SLC10A1: variants seen among roughly 807,000 people sequenced by gnomAD.
The protein encoded by SLC10A1 is hepatic sodium/bile acid cotransporter.
In SLC10A1, 36 loss-of-function variants were observed where a neutral mutation model predicts 20.5. That is an observed-to-expected ratio of 1.75 (90% confidence interval 1.34 to 2.32). The LOEUF (loss-of-function observed/expected upper bound fraction) is 2.32. Among genes scored for constraint, SLC10A1 ranks in the 30% most tolerant of loss-of-function variants. The probability of loss-of-function intolerance (pLI) is 0.00; values close to 1 mark genes in which losing one functional copy is unlikely to be tolerated. For synonymous variants in SLC10A1, 188 were observed against 163.6 expected, an observed-to-expected ratio of 1.15 and a Z score of -1.14; for missense variants, 545 against 439.1, an observed-to-expected ratio of 1.24 and a Z score of -2.16.
At position 69,796,957 on chromosome 14, in the gene SLC10A1, C is replaced by A; in HGVS notation, c.199G>T (p.Ala67Ser). 1 of 1,614,214 alleles carries A rather than the reference C, an allele frequency of 6.2e-7. No homozygotes were observed. The change falls in exon 1 of 5, where the codon GCA becomes TCA. Residue 67 changes from alanine to serine, a missense_variant. By Grantham distance (99) the Ala-to-Ser change is moderately conservative. Transcript: ENST00000216540. ...GTGAGGGGCATGATGCCATACTGTG[C>A]CACCAGGGCGATGGCCAGCCCTTTA... ...KPKGLAIALV[A>S]QYGIMPLTAF... is the part of the protein sequence containing the mutation.
Position 69,796,939 on chromosome 14 carries a change from G to A in SLC10A1, c.217C>T (p.Pro73Ser), listed in dbSNP as rs763683476. The change falls in exon 1 of 5, where the codon CCC becomes TCC. Residue 73 changes from proline to serine, a missense_variant. Pro to Ser is a moderately conservative substitution (Grantham distance 74). Coordinates refer to ENST00000216540, the MANE Select transcript of SLC10A1 (RefSeq NM_003049.4). Reference sequence around the variant, plus strand: ...TTGCCCAGCACAAAGGCCGTGAGGGGCATGATGCCATACTGTGCCACCAGG... The same window carrying A: ...TTGCCCAGCACAAAGGCCGTGAGGGACATGATGCCATACTGTGCCACCAGG... The part of the protein sequence containing the change: ...IALVAQYGIM[P>S]LTAFVLGKVF... The A allele has an allele frequency of 3.1e-6, 5 of 1,614,096 alleles. No homozygotes were observed. The highest frequency in any genetic ancestry group is 3.3e-5 in the Admixed American group (2 of 60,006).
In SLC10A1 at chr14:69,778,371, G is replaced by A. The variant is rs201128499; in HGVS notation, c.905C>T (p.Ala302Val). The A allele has an allele frequency of 6.2e-7, 1 of 1,612,122 alleles. No homozygotes were observed. The highest frequency in any genetic ancestry group is 1.1e-5 in the South Asian group (1 of 90,846). Residue 302 changes from alanine (A) to valine (V), a missense_variant, in exon 4 of 5, where the codon GCC (alanine) becomes GTC (valine). Coordinates refer to ENST00000216540, the MANE Select transcript of SLC10A1 (RefSeq NM_003049.4). The stretch of plus-strand genomic sequence containing the variant: ...GAATTTCTCATAGCACCAAAATATG[G>A]CAATGAGGAGAAGCCCTTCTCCAAG... ...FQLGEGLLLIAIFWCYEKFKT... is the reference protein window; with the variant it reads ...FQLGEGLLLIVIFWCYEKFKT...
At chr14:69,792,034 C>T (rs1203324758) in intron 1 of SLC10A1, among the ~76,000 whole-genome samples, 1 of 151,816 alleles carries the variant, frequency 6.6e-6, no homozygotes, top group East Asian at 1.9e-4. Context: ...TCACTGCAAC[C>T]TCTGCCTCCT....
chr14:69,794,323 C>T (rs1011409413), intron 1 of SLC10A1, among the ~76,000 whole-genome samples: 2 of 152,152 alleles, frequency 1.3e-5, no homozygotes, highest in Non-Finnish European at 2.9e-5. Context: ...TGCTGAGACA[C>T]GGGTGTCTGC....
intron 1 of SLC10A1, among the ~76,000 whole-genome samples, chr14:69,792,827 A>G (rs1393545328): frequency 1.7e-5 from 1 of 59,688 alleles, no homozygotes. Context: ...TTACATGCCT[A>G]TTTCTCAAAA....
chr14:69,782,009 G>T (rs1883603562), intron 2 of SLC10A1, among the ~76,000 whole-genome samples: 1 of 152,154 alleles, frequency 6.6e-6, no homozygotes, highest in Admixed American at 6.5e-5. Context: ...TTCCAGTTTG[G>T]CACTCACTAT....
intron 2 of SLC10A1, among the ~76,000 whole-genome samples, chr14:69,780,456 CAT>C (rs964242400): frequency 2.1e-4 from 32 of 152,310 alleles, no homozygotes; most frequent in African/African-American, 4.3e-4. Context: ...GGTTCATTCA[CAT>C]GTGTTGCATT....
At chr14:69,776,440 C>A (rs539927384) in intron 4 of SLC10A1, 52 bp from the exon 5 acceptor site, 2 of 1,400,946 alleles carry the variant, frequency 1.4e-6, no homozygotes, top group African/African-American at 2.8e-5. Context: ...GAGGAGTGAA[C>A]AATGAAGCTT....
In SLC10A1 at chr14:69,796,803, A is replaced by T. The variant is rs1477531764; in HGVS notation, c.353T>A (p.Leu118His). 4 of 1,612,510 alleles carry T rather than the reference A, an allele frequency of 2.5e-6. No homozygotes were observed. Among genetic ancestry groups the T allele is most frequent in the Non-Finnish European group, 3.4e-6 (4 of 1,178,896 alleles). ...FSLAMKGDMN[L>H]SIVMTTCSTF... ...CCCTCCTCACCCCCAGGCCTACCTG[A>T]GGTTCATGTCCCCCTTCATGGCCAG... Residue 118 changes from leucine to histidine, a missense_variant, in exon 1 of 5, where the codon CTC (leucine) becomes CAC (histidine). Transcript: ENST00000216540.
chr14:69,777,594 T>TTG (rs1883477642), intron 4 of SLC10A1, among the ~76,000 whole-genome samples: 1 of 99,360 alleles, frequency 1.0e-5, no homozygotes, highest in African/African-American at 5.2e-5. Flanking sequence ...TTTTTTTTTT[T>TTG]TTTTTTTTTT....
chr14:69,786,649 C>T (rs1041721039), intron 1 of SLC10A1, among the ~76,000 whole-genome samples: 2 of 152,150 alleles, frequency 1.3e-5, no homozygotes, highest in South Asian at 2.1e-4. Context: ...CATTGAGCAC[C>T]TCCCCCATGC....
rs117838639 is a variant in SLC10A1 at position 69,787,586 on chromosome 14, G to A, written c.357-1279C>T. ...CAGCCTATATCAAAGGTTCCAGAGC[G>A]TAGCCATCAAGAACAATAGGTAGGC... On this transcript the variant is annotated intron_variant, in intron 1 of 4. Transcript: ENST00000216540. Among the ~76,000 whole-genome samples, 527 of 152,288 alleles carry A rather than the reference G, an allele frequency of 3.5e-3. 2 individuals carry two copies. Among genetic ancestry groups the A allele is most frequent in the Non-Finnish European group, 5.7e-3 (389 of 68,026 alleles).
At chr14:69,781,398 CAT>C (rs1883589104) in intron 2 of SLC10A1, among the ~76,000 whole-genome samples, 1 of 152,226 alleles carries the variant, frequency 6.6e-6, no homozygotes, top group Admixed American at 6.5e-5. Flanking sequence ...TTGGCTTACA[CAT>C]GAGATGACAT....
chr14:69,794,517 G>T (rs577351919), intron 1 of SLC10A1, among the ~76,000 whole-genome samples: 6 of 152,180 alleles, frequency 3.9e-5, no homozygotes, highest in Non-Finnish European at 8.8e-5. Flanking sequence ...GCTGTAGGAG[G>T]ATCACATATA....
intron 1 of SLC10A1, among the ~76,000 whole-genome samples, chr14:69,796,474 G>A (rs1166510337): frequency 6.6e-6 from 1 of 152,190 alleles, no homozygotes; most frequent in African/African-American, 2.4e-5. Context: ...TGTTGTAGGT[G>A]GATGCAGTTC....
chr14:69,791,304 A>ATT (rs879785980), intron 1 of SLC10A1, among the ~76,000 whole-genome samples: 2 of 144,900 alleles, frequency 1.4e-5, no homozygotes, highest in Non-Finnish European at 1.5e-5. Context: ...AGCTAACATG[A>ATT]TTTTTTTTTT....
chr14:69,786,872 G>C (rs931293263), intron 1 of SLC10A1, among the ~76,000 whole-genome samples: 1 of 152,226 alleles, frequency 6.6e-6, no homozygotes, highest in African/African-American at 2.4e-5. Context: ...GAGACACAGT[G>C]ACAGGACACT....
At chr14:69,782,564 T>TG (rs1225718784) in intron 2 of SLC10A1, among the ~76,000 whole-genome samples, 1 of 152,146 alleles carries the variant, frequency 6.6e-6, no homozygotes, top group African/African-American at 2.4e-5. Context: ...TCCCAGCACT[T>TG]CGGGAGGCCA....
chr14:69,782,811 A>G (rs75703710), intron 2 of SLC10A1, among the ~76,000 whole-genome samples: 56 of 149,270 alleles, frequency 3.8e-4, no homozygotes, highest in African/African-American at 1.3e-3. Context: ...CCGTCTCGAA[A>G]AAAAAAAAAA....
Sources: gnomAD v4.1 joint callset for allele counts (sites outside exome capture counted in the v4.1 genomes callset) on GRCh38, gnomAD v4.1.1 for gene constraint, MANE v1.5 for transcripts, NCBI Gene and HGNC (gene_info 2026-07-23, HGNC 2026-07-21) for gene names.